Variants in RAPGEF2 observed in about 807,000 individuals in gnomAD.
RAPGEF2 encodes Rap guanine nucleotide exchange factor 2.
RAPGEF2 carries 54 observed loss-of-function variants against 186.7 expected under a neutral mutation model. The ratio of observed to expected loss-of-function variants is 0.29; its 90% CI spans 0.23 to 0.36. The LOEUF is 0.36. RAPGEF2 is among the 10% of genes least tolerant of loss of function. RAPGEF2 has a pLI of 1.00. For missense variants in RAPGEF2, 1,532 were observed against 2,045.0 expected, an observed-to-expected ratio of 0.75 and a Z score of 4.84; for synonymous variants, 712 against 705.9, an observed-to-expected ratio of 1.01 and a Z score of -0.14.
In RAPGEF2 at chr4:159,350,204, C is replaced by T. The variant is rs1408841048; in HGVS notation, c.3780C>T (p.His1260=). Residue 1260 remains histidine, a synonymous_variant, in exon 26 of 30, where the codon CAC becomes CAT. Coordinates refer to ENST00000691494, the MANE Select transcript of RAPGEF2 (RefSeq NM_001394067.2). The part of the protein sequence containing the change: ...SLSEEGSLER[H]KKQAEDTISN... Reference sequence around the variant, plus strand: ...CTGAAGAAGGAAGTTTGGAACGTCACAAGAAACAGGCTGAAGATACAATAT... The same window carrying T: ...CTGAAGAAGGAAGTTTGGAACGTCATAAGAAACAGGCTGAAGATACAATAT... 6.3e-7 allele frequency: 1 copy of T among 1,594,332 alleles called. No individual in the cohort carries two copies. Among genetic ancestry groups the T allele is most frequent in the Non-Finnish European group, 8.5e-7 (1 of 1,169,984 alleles).
chr4:159,157,924 G>C (rs985054432), intron 1 of RAPGEF2, among the ~76,000 whole-genome samples: 7 of 152,120 alleles, frequency 4.6e-5, no homozygotes, highest in Non-Finnish European at 5.9e-5. Flanking sequence ...TAGGGAAGCT[G>C]GGTTTTGAGG....
chr4:159,291,069 TG>T (rs1209099711), intron 7 of RAPGEF2, among the ~76,000 whole-genome samples: 1 of 152,246 alleles, frequency 6.6e-6, no homozygotes, highest in East Asian at 1.9e-4. Flanking sequence ...CCAGTGTTTT[TG>T]TTAGCAACTT....
At chr4:159,335,535 T>TA (rs1767281658) in intron 17 of RAPGEF2, among the ~76,000 whole-genome samples, 2 of 152,118 alleles carry the variant, frequency 1.3e-5, no homozygotes, top group African/African-American at 4.8e-5. Flanking sequence ...TGTAAGGTGT[T>TA]AAAGTGTTGC....
At chr4:159,295,771 G>A (rs889642831) in intron 7 of RAPGEF2, among the ~76,000 whole-genome samples, 9 of 146,562 alleles carry the variant, frequency 6.1e-5, no homozygotes, top group Non-Finnish European at 1.3e-4. Flanking sequence ...GCGCGCGCGC[G>A]CGCATGCACA....
chr4:159,323,388 G>T, intron 10 of RAPGEF2, 71 bp from the exon 11 acceptor site: 2 of 1,264,962 alleles, frequency 1.6e-6, no homozygotes, highest in South Asian at 1.8e-5. Flanking sequence ...CATTTTTAGG[G>T]ACCATACTGG....
intron 7 of RAPGEF2, among the ~76,000 whole-genome samples, chr4:159,254,033 G>A (rs1301175943): frequency 6.6e-6 from 1 of 152,194 alleles, no homozygotes; most frequent in Non-Finnish European, 1.5e-5. Context: ...GACAACCATT[G>A]TACATTGTAA....
At chr4:159,255,016 G>A (rs1045290903) in intron 7 of RAPGEF2, among the ~76,000 whole-genome samples, 16 of 152,148 alleles carry the variant, frequency 1.1e-4, no homozygotes, top group South Asian at 2.1e-4. Flanking sequence ...TAGCTTTTCC[G>A]TGTTTAGGTA....
chr4:159,207,101 C>T (rs953746098), intron 3 of RAPGEF2, among the ~76,000 whole-genome samples: 9 of 152,170 alleles, frequency 5.9e-5, no homozygotes, highest in Non-Finnish European at 1.3e-4. Context: ...TCTGCAAATG[C>T]CTACTAAAGC....
intron 4 of RAPGEF2, among the ~76,000 whole-genome samples, chr4:159,226,656 C>T (rs539357082): frequency 6.6e-6 from 1 of 152,274 alleles, no homozygotes; most frequent in African/African-American, 2.4e-5. Context: ...AGGTTAAGTT[C>T]CCTTTGGTAG....
chr4:159,108,592 T>G (rs1419483981), intron 1 of RAPGEF2, among the ~76,000 whole-genome samples: 1 of 152,146 alleles, frequency 6.6e-6, no homozygotes, highest in Non-Finnish European at 1.5e-5. Flanking sequence ...TCACTGCATT[T>G]TTTCATTTAA....
intron 1 of RAPGEF2, among the ~76,000 whole-genome samples, chr4:159,112,417 T>C (rs1183954827): frequency 6.6e-6 from 1 of 152,154 alleles, no homozygotes; most frequent in East Asian, 1.9e-4. Context: ...AAGGTTAGCC[T>C]TAGCCTTCAT....
intron 8 of RAPGEF2, 117 bp downstream of exon 8, chr4:159,304,590 AG>A: frequency 4.4e-6 from 4 of 918,134 alleles, no homozygotes; most frequent in Non-Finnish European, 6.2e-6. Flanking sequence ...TGTGCATGTA[AG>A]TACATAAAAT....
At chr4:159,259,749 T>C (rs1452023844) in intron 7 of RAPGEF2, among the ~76,000 whole-genome samples, 2 of 152,134 alleles carry the variant, frequency 1.3e-5, no homozygotes, top group East Asian at 3.8e-4. Flanking sequence ...AATTTCATCT[T>C]GTGTACCAGA....
At chr4:159,294,603 A>G in intron 7 of RAPGEF2, among the ~76,000 whole-genome samples, 1 of 150,916 alleles carries the variant, frequency 6.6e-6, no homozygotes, top group East Asian at 2.0e-4. Flanking sequence ...AGGGTTTTGG[A>G]CAAGCCACTT....
rs1375805641 is a variant in RAPGEF2 at position 159,125,125 on chromosome 4, C to T, written c.69+20894C>T. Among the ~76,000 whole-genome samples the T allele has an allele frequency of 3.3e-5, 5 of 152,074 alleles. No homozygotes were observed. In the East Asian group the frequency reaches 7.7e-4, roughly 23 times the overall value. ...CTTTTGTTATTAAGCCACACGCAAA[C>T]AGCTATGAGATTTTAAAGCCCATCA... On this transcript the variant is annotated intron_variant, in intron 1 of 29. Transcript: ENST00000691494.
intron 1 of RAPGEF2, among the ~76,000 whole-genome samples, chr4:159,119,805 T>G (rs373536472): frequency 6.6e-6 from 1 of 152,220 alleles, no homozygotes. Context: ...GTTCTAAACA[T>G]CCCATCTATT....
At position 159,209,209 on chromosome 4, in the gene RAPGEF2, A is replaced by T. The variant is rs1360868620; in HGVS notation, c.198-1291A>T. On this transcript the variant is annotated intron_variant, in intron 3 of 29. Coordinates refer to ENST00000691494, the MANE Select transcript of RAPGEF2 (RefSeq NM_001394067.2). ...GCCCAGCCAAAAAAAAAAAAAAAAA[A>T]ACCCTCACAATTAATTGGAGACTTA... is the stretch of plus-strand genomic sequence containing the variant. Among the ~76,000 whole-genome samples the T allele has an allele frequency of 3.0e-5, 4 of 134,862 alleles. No homozygotes were observed. In the South Asian group the frequency reaches 1.0e-3, roughly 34 times the overall value. 88.5% of individuals were successfully genotyped at this position (134,862 alleles called of 152,430 possible).
intron 24 of RAPGEF2, among the ~76,000 whole-genome samples, chr4:159,345,890 A>T (rs546641485): frequency 1.3e-5 from 2 of 152,086 alleles, no homozygotes; most frequent in Non-Finnish European, 2.9e-5. Context: ...GACTTAAAAG[A>T]CAAAGGCATT....
chr4:159,135,255 A>G (rs1741596465), intron 1 of RAPGEF2, among the ~76,000 whole-genome samples: 1 of 152,058 alleles, frequency 6.6e-6, no homozygotes, highest in Non-Finnish European at 1.5e-5. Context: ...CATGTTGCCC[A>G]AGCTCGTCTC....
Sources: gnomAD v4.1 joint callset for allele counts (sites outside exome capture counted in the v4.1 genomes callset) on GRCh38, gnomAD v4.1.1 for gene constraint, MANE v1.5 for transcripts, NCBI Gene and HGNC (gene_info 2026-07-23, HGNC 2026-07-21) for gene names.